Variants in THADA observed in about 807,000 individuals in gnomAD.
THADA encodes the protein THADA armadillo repeat containing.
A neutral mutation model predicts 219.8 loss-of-function variants in THADA; 213 were observed. That is an observed-to-expected ratio of 0.97 (90% CI 0.87 to 1.09). The LOEUF (loss-of-function observed/expected upper bound fraction) is 1.09. Among genes scored for constraint, THADA ranks in the 50% least tolerant of loss-of-function variants. The probability of loss-of-function intolerance (pLI) is 0.00; values close to 1 mark genes in which losing one functional copy is unlikely to be tolerated. For synonymous variants in THADA, 1,018 were observed against 828.9 expected, an observed-to-expected ratio of 1.23 and a Z score of -3.92; for missense variants, 2,956 against 2,311.3, an observed-to-expected ratio of 1.28 and a Z score of -5.72.
intron 30 of THADA, among the ~76,000 whole-genome samples, chr2:43,331,188 T>C (rs1411373697): frequency 6.6e-6 from 1 of 152,248 alleles, no homozygotes; most frequent in Non-Finnish European, 1.5e-5. Flanking sequence ...TTAGACGATC[T>C]CTAAATTCCC....
At chr2:43,490,730 T>G (rs913812355) in intron 25 of THADA, among the ~76,000 whole-genome samples, 2 of 152,142 alleles carry the variant, frequency 1.3e-5, no homozygotes, top group Non-Finnish European at 2.9e-5. Flanking sequence ...TGGTCTATTG[T>G]TATAATTGTT....
chr2:43,531,569 C>G lies in THADA; in HGVS notation c.3265-3581G>C, dbSNP rs190606521. Among the ~76,000 whole-genome samples, 827 of 152,278 alleles carry G rather than the reference C, an allele frequency of 5.4e-3. 7 individuals are homozygous for G. The highest frequency in any genetic ancestry group is 0.019 in the African/African-American group (775 of 41,548). On this transcript the variant is annotated intron_variant, in intron 21 of 37. Coordinates refer to ENST00000405975, the MANE Select transcript of THADA (RefSeq NM_022065.5). ...GAGAAGAAACACACCAGGCTGACAGCCTCCCAGTGGATAATCAGACTACAT... is the reference window on the plus strand; with the variant it reads ...GAGAAGAAACACACCAGGCTGACAGGCTCCCAGTGGATAATCAGACTACAT...
intron 14 of THADA, among the ~76,000 whole-genome samples, chr2:43,567,673 G>A (rs1698842741): frequency 6.6e-6 from 1 of 152,152 alleles, no homozygotes; most frequent in African/African-American, 2.4e-5. Flanking sequence ...AAACCGTATT[G>A]TCATTTATAT....
intron 16 of THADA, among the ~76,000 whole-genome samples, chr2:43,558,727 A>T (rs1280624311): frequency 6.6e-6 from 1 of 152,158 alleles, no homozygotes; most frequent in Non-Finnish European, 1.5e-5. Flanking sequence ...CGTGTGAGTC[A>T]ATACTCCTTA....
chr2:43,271,615 T>C (rs1672130659), intron 36 of THADA, among the ~76,000 whole-genome samples: 1 of 93,024 alleles, frequency 1.1e-5, no homozygotes, highest in African/African-American at 6.3e-5. Flanking sequence ...CTTGGAACTT[T>C]TTTTTTTTTT....
chr2:43,445,390 T>G (rs2104874955), intron 26 of THADA, among the ~76,000 whole-genome samples: 1 of 152,318 alleles, frequency 6.6e-6, no homozygotes, highest in East Asian at 1.9e-4. Context: ...AATCCCTACC[T>G]CAGACTGGGC....
rs184976311 is a variant in THADA, at chr2:43,390,502, G to A, written c.4227+7469C>T. ...TCTTGTGATAGAATTTTGCTCAAAC[G>A]TTTCCAATGACGACTATTCTGACAT... On this transcript the variant is annotated intron_variant, in intron 29 of 37. Transcript: ENST00000405975. Among the ~76,000 whole-genome samples the A allele has an allele frequency of 2.9e-3, 445 of 152,270 alleles. 1 individual carries two copies. The highest frequency in any genetic ancestry group is 7.7e-3 in the South Asian group (37 of 4,828).
At position 43,551,806 on chromosome 2, in the gene THADA, G is replaced by A. The variant is rs763804030; in HGVS notation, c.2930C>T (p.Pro977Leu). The change falls in exon 19 of 38, where the codon CCA becomes CTA. Residue 977 changes from proline (P) to leucine (L), a missense_variant. Transcript: ENST00000405975. ...IQSSSPEGLI[P>L]MDTDSESASR... ...TTGCTAACCTGAATCAGTGTCCATTGGGATGAGGCCTTCAGGGGATGAGCT... is the reference window on the plus strand; with the variant it reads ...TTGCTAACCTGAATCAGTGTCCATTAGGATGAGGCCTTCAGGGGATGAGCT... 1.2e-6 allele frequency: 2 copies of A among 1,613,510 alleles called. No homozygotes were observed. The highest frequency in any genetic ancestry group is 2.2e-5 in the South Asian group (2 of 91,040).
At chr2:43,482,861 T>C (rs1686398754) in intron 26 of THADA, among the ~76,000 whole-genome samples, 2 of 152,156 alleles carry the variant, frequency 1.3e-5, no homozygotes, top group South Asian at 4.1e-4. Flanking sequence ...AATGAACTTC[T>C]AATAGTTTGT....
At chr2:43,273,658 A>G (rs1248583845) in intron 36 of THADA, among the ~76,000 whole-genome samples, 2 of 152,102 alleles carry the variant, frequency 1.3e-5, no homozygotes, top group Admixed American at 6.5e-5. Flanking sequence ...GCAGCCTTAG[A>G]GGTTCCAGGA....
At chr2:43,537,054 A>G (rs1694701557) in intron 21 of THADA, among the ~76,000 whole-genome samples, 1 of 152,218 alleles carries the variant, frequency 6.6e-6, no homozygotes, top group South Asian at 2.1e-4. Context: ...ATGTTTTACA[A>G]AAGTTTACAC....
chr2:43,440,393 G>A (rs1366193903), intron 26 of THADA, among the ~76,000 whole-genome samples: 1 of 152,058 alleles, frequency 6.6e-6, no homozygotes, highest in Admixed American at 6.6e-5. Context: ...ATGATTATAT[G>A]TACATTTCCT....
At chr2:43,348,797 G>A (rs986294089) in intron 29 of THADA, among the ~76,000 whole-genome samples, 1 of 152,114 alleles carries the variant, frequency 6.6e-6, no homozygotes, top group Non-Finnish European at 1.5e-5. Context: ...TAATGAGTTT[G>A]GTTGGGAATA....
At chr2:43,591,131 C>T (rs934839130) in intron 3 of THADA, among the ~76,000 whole-genome samples, 177 bp from the exon 4 acceptor site, 1 of 151,784 alleles carries the variant, frequency 6.6e-6, no homozygotes, top group Non-Finnish European at 1.5e-5. Flanking sequence ...GAGACAAGCT[C>T]GGGCAACATG....
chr2:43,427,222 T>C (rs1005571871), intron 28 of THADA, among the ~76,000 whole-genome samples: 11 of 152,222 alleles, frequency 7.2e-5, no homozygotes, highest in African/African-American at 2.2e-4. Flanking sequence ...CCTGACATCC[T>C]CTCGAACCCG....
intron 36 of THADA, among the ~76,000 whole-genome samples, chr2:43,253,578 T>C (rs1056659680): frequency 6.6e-6 from 1 of 152,170 alleles, no homozygotes; most frequent in Admixed American, 6.5e-5. Context: ...TTCATGACAA[T>C]GGAACCTCTT....
chr2:43,299,087 C>T (rs572021972), intron 31 of THADA, among the ~76,000 whole-genome samples: 2 of 151,874 alleles, frequency 1.3e-5, no homozygotes, highest in Non-Finnish European at 1.5e-5. Flanking sequence ...GATCACCTTC[C>T]GGTTATGTGT....
rs141334913 is a variant in THADA at position 43,539,635 on chromosome 2, C to T, written c.3264+1524G>A. 8.7e-3 allele frequency among the ~76,000 whole-genome samples: 1,329 copies of T among 152,210 alleles called. 6 individuals are homozygous for T. The highest frequency in any genetic ancestry group is 0.02 in the Middle Eastern group (6 of 294). On this transcript the variant is annotated intron_variant, in intron 21 of 37. Coordinates refer to ENST00000405975, the MANE Select transcript of THADA (RefSeq NM_022065.5). ...ATTCAGTCATCAGTTTCTTCTCACGCCTATGTATGTGAGGTTACCATGTGA... is the reference window on the plus strand; with the variant it reads ...ATTCAGTCATCAGTTTCTTCTCACGTCTATGTATGTGAGGTTACCATGTGA...
chr2:43,574,566 G>A lies in THADA; in HGVS notation c.1499C>T (p.Thr500Ile), dbSNP rs780109636. Residue 500 changes from threonine to isoleucine, a missense_variant, in exon 11 of 38, where the codon ACC (threonine) becomes ATC (isoleucine). Coordinates refer to ENST00000405975, the MANE Select transcript of THADA (RefSeq NM_022065.5). ...ATGACTCTTATGATTTCTAAACATGGTTTCCAAGAGGTCACTTGCATAAGG... is the reference window on the plus strand; with the variant it reads ...ATGACTCTTATGATTTCTAAACATGATTTCCAAGAGGTCACTTGCATAAGG... Reference protein sequence around the residue: ...LVPYASDLLETMFRNHKSHLK... With the variant: ...LVPYASDLLEIMFRNHKSHLK... The A allele has an allele frequency of 1.2e-6, 2 of 1,613,948 alleles. No homozygotes were observed. Among genetic ancestry groups the A allele is most frequent in the Non-Finnish European group, 1.7e-6 (2 of 1,179,882 alleles).
Sources: allele counts gnomAD v4.1 joint callset (sites outside exome capture counted in the v4.1 genomes callset), GRCh38; gene constraint gnomAD v4.1.1; transcripts MANE v1.5; gene names NCBI Gene and HGNC (gene_info 2026-07-23, HGNC 2026-07-21).